GUCY1B1: variants seen among roughly 807,000 people sequenced by gnomAD.
GUCY1B1 encodes the protein guanylate cyclase soluble subunit beta-1.
A neutral mutation model predicts 71.0 loss-of-function variants in GUCY1B1; 43 were observed. The ratio of observed to expected loss-of-function variants is 0.61; its 90% confidence interval spans 0.47 to 0.78. GUCY1B1 has a LOEUF of 0.78. Among genes scored for constraint, GUCY1B1 ranks in the 30% least tolerant of loss-of-function variants. The pLI is 0.00. For synonymous variants in GUCY1B1, 266 were observed against 259.7 expected (o/e 1.02, Z -0.23); for missense variants, 535 against 754.1 (o/e 0.71, Z 3.40).
intron 4 of GUCY1B1, among the ~76,000 whole-genome samples, chr4:155,782,109 T>C (rs1738467922): frequency 6.6e-6 from 1 of 152,150 alleles, no homozygotes; most frequent in Non-Finnish European, 1.5e-5. Flanking sequence ...GGAGTCTTGC[T>C]CTGTCGCCCA....
chr4:155,792,900 A>G lies in GUCY1B1; in HGVS notation c.496-956A>G, dbSNP rs147423355. ...TTATAGATATTAGCTCACAATTACG[A>G]TTACTTCTTTAGAATGAATTCCTAG... On this transcript the variant is annotated intron_variant, in intron 5 of 13. Coordinates refer to ENST00000264424, the MANE Select transcript of GUCY1B1 (RefSeq NM_000857.5). Among the ~76,000 whole-genome samples the G allele has an allele frequency of 8.9e-4, 135 of 152,246 alleles. 1 individual carries two copies. The highest frequency in any genetic ancestry group is 3.3e-3 in the South Asian group (16 of 4,826).
At chr4:155,795,952 C>T (rs1185896923) in intron 7 of GUCY1B1, among the ~76,000 whole-genome samples, 1 of 152,120 alleles carries the variant, frequency 6.6e-6, no homozygotes, top group African/African-American at 2.4e-5. Context: ...CAGCAAAAGT[C>T]ATTTTCCTAG....
intron 3 of GUCY1B1, among the ~76,000 whole-genome samples, chr4:155,777,110 T>C (rs543970167): frequency 3.3e-5 from 5 of 152,340 alleles, no homozygotes; most frequent in African/African-American, 1.2e-4. Flanking sequence ...TTGCACAATA[T>C]TTTAAATGAT....
intron 7 of GUCY1B1, 133 bp downstream of exon 7, chr4:155,795,590 A>G (rs1739495223): frequency 3.7e-6 from 2 of 534,570 alleles, no homozygotes; most frequent in Middle Eastern, 4.7e-4. Context: ...AGATCTATTT[A>G]AAAGGCAATA....
intron 2 of GUCY1B1, chr4:155,772,479 A>G (rs953355728): frequency 8.4e-5 from 37 of 443,000 alleles, no homozygotes; most frequent in Admixed American, 4.9e-4. Context: ...CAGTGGCAAG[A>G]TCACGCCTCA....
At chr4:155,793,826 A>G (rs762763514) in intron 5 of GUCY1B1, 30 bp from the exon 6 acceptor site, 71 of 957,036 alleles carry the variant, frequency 7.4e-5, no homozygotes, top group Non-Finnish European at 9.7e-5. Context: ...AATGAAGACA[A>G]TTCATGCCAT....
chr4:155,796,761 C>T (rs1027307569), intron 8 of GUCY1B1, among the ~76,000 whole-genome samples: 2 of 152,044 alleles, frequency 1.3e-5, no homozygotes, highest in African/African-American at 4.8e-5. Flanking sequence ...TGCCATTACG[C>T]CATGGGACAA....
At position 155,804,605 on chromosome 4, in the gene GUCY1B1, A is replaced by G; in HGVS notation, c.1567A>G (p.Ile523Val). 1.2e-6 allele frequency: 2 copies of G among 1,612,322 alleles called. No individual in the cohort carries two copies. The highest frequency in any genetic ancestry group is 1.7e-6 in the Non-Finnish European group (2 of 1,178,504). ...TTCTTTTTTGCAGATAACAATAGGGATACACACTGGAGAGGTAGTTACAGG... is the reference window on the plus strand; with the variant it reads ...TTCTTTTTTGCAGATAACAATAGGGGTACACACTGGAGAGGTAGTTACAGG... ...DGESVQITIG[I>V]HTGEVVTGVI... The change falls in exon 12 of 14, where the codon ATA (isoleucine) becomes GTA (valine). Residue 523 changes from isoleucine (I) to valine (V), a missense_variant. Ile to Val is a conservative substitution (Grantham distance 29). Transcript: ENST00000264424.
At chr4:155,805,287 T>C in intron 13 of GUCY1B1, 58 bp downstream of exon 13, 1 of 1,353,232 alleles carries the variant, frequency 7.4e-7, no homozygotes, top group Non-Finnish European at 1.0e-6. Context: ...TATGGAAAAC[T>C]AAAGCAAAAT....
In GUCY1B1 at chr4:155,791,741, G is replaced by GAAA. The variant is rs145292390; in HGVS notation, c.495+1831_495+1832insAAA. Reference sequence around the variant, plus strand: ...GTGAGACTCCATTATCAAAAAAATAGAGAAAAAAAAAAAAATAAAGCAAAA... The same window carrying GAAA: ...GTGAGACTCCATTATCAAAAAAATAGAAAAGAAAAAAAAAAAAATAAAGCAAAA... On this transcript the variant is annotated intron_variant, in intron 5 of 13. Transcript: ENST00000264424. Among the ~76,000 whole-genome samples the GAAA allele has an allele frequency of 5.9e-4, 28 of 47,396 alleles. 1 individual carries two copies. The highest frequency in any genetic ancestry group is 1.2e-3 in the Non-Finnish European group (23 of 19,690). 31.1% of individuals were successfully genotyped at this position (47,396 alleles called of 152,430 possible).
In GUCY1B1 at chr4:155,800,027, A is replaced by G. The variant is rs765118875; in HGVS notation, c.1128A>G (p.Leu376=). Residue 376 remains leucine (L), a synonymous_variant, in exon 9 of 14, where the codon CTA becomes CTG. Coordinates refer to ENST00000264424, the MANE Select transcript of GUCY1B1 (RefSeq NM_000857.5). ...AACTGGAAATCCTCACTGACAGGCT[A>G]CAGCTCACGTTAAGAGCCCTGGAAG... is the stretch of plus-strand genomic sequence containing the variant. The part of the protein sequence containing the change: ...TQELEILTDR[L]QLTLRALEDE... 15 of 1,613,782 alleles carry G rather than the reference A, an allele frequency of 9.3e-6. No individual in the cohort carries two copies. In the East Asian group the frequency reaches 1.1e-4, roughly 12 times the overall value.
At position 155,777,523 on chromosome 4, in the gene GUCY1B1, G is replaced by C. The variant is rs765206702; in HGVS notation, c.179-1G>C. 1 of 1,505,666 alleles carries C rather than the reference G, an allele frequency of 6.6e-7. No homozygotes were observed. The highest frequency in any genetic ancestry group is 1.7e-4 in the Middle Eastern group (1 of 5,842). The allele number at this position is 1,505,666 out of a possible 1,614,324, so 93.3% of individuals were successfully genotyped here. On this transcript the variant is annotated splice_acceptor_variant, in intron 3 of 13. Coordinates refer to ENST00000264424, the MANE Select transcript of GUCY1B1 (RefSeq NM_000857.5). LOFTEE classifies it high-confidence loss of function. ...TTTCCCCTCTTGAATTTGTAAAATA[G>C]ATCTCAATGCTGGAGAAATCCTCCA... is the stretch of plus-strand genomic sequence containing the variant.
At chr4:155,768,294 T>C (rs1313750023) in intron 2 of GUCY1B1, among the ~76,000 whole-genome samples, 1 of 152,152 alleles carries the variant, frequency 6.6e-6, no homozygotes, top group Non-Finnish European at 1.5e-5. Flanking sequence ...TGTTCACATA[T>C]TGTAGTTAAG....
At position 155,805,246 on chromosome 4, in the gene GUCY1B1, T is replaced by C; in HGVS notation, c.1836+17T>C. On this transcript the variant is annotated intron_variant, in intron 13 of 13. Coordinates refer to ENST00000264424, the MANE Select transcript of GUCY1B1 (RefSeq NM_000857.5). Reference sequence around the variant, plus strand: ...GGAACAGAGGTATGACTAATCAAAGTGTAATTTGCGTACTTAAGACAGAGT... The same window carrying C: ...GGAACAGAGGTATGACTAATCAAAGCGTAATTTGCGTACTTAAGACAGAGT... The C allele has an allele frequency of 6.3e-7, 1 of 1,599,022 alleles. No individual in the cohort carries two copies.
intron 5 of GUCY1B1, among the ~76,000 whole-genome samples, chr4:155,791,933 T>G (rs1739213042): frequency 6.6e-6 from 1 of 152,116 alleles, no homozygotes; most frequent in Admixed American, 6.5e-5. Context: ...CTACTATTAC[T>G]GTGGTATTAG....
intron 4 of GUCY1B1, chr4:155,785,196 A>G (rs1738680590): frequency 1.6e-6 from 1 of 644,254 alleles, no homozygotes; most frequent in Admixed American, 2.9e-5. Flanking sequence ...AGGTATCTCA[A>G]GATATCAAAA....
intron 10 of GUCY1B1, among the ~76,000 whole-genome samples, chr4:155,803,200 C>G (rs1740079367): frequency 6.6e-6 from 1 of 152,204 alleles, no homozygotes; most frequent in Admixed American, 6.5e-5. Context: ...GAGGTACACT[C>G]TAGCATGTGG....
At chr4:155,799,813 A>G in intron 8 of GUCY1B1, 64 bp from the exon 9 acceptor site, 1 of 857,644 alleles carries the variant, frequency 1.2e-6, no homozygotes, top group Non-Finnish European at 1.8e-6. Context: ...CTTGACAGAA[A>G]TCGGGATTGC....
chr4:155,773,138 C>A (rs1019875917), intron 2 of GUCY1B1, among the ~76,000 whole-genome samples: 1 of 152,178 alleles, frequency 6.6e-6, no homozygotes, highest in African/African-American at 2.4e-5. Flanking sequence ...TACAGGGATT[C>A]CGATGAATTG....
Sources: allele counts gnomAD v4.1 joint callset (sites outside exome capture counted in the v4.1 genomes callset), GRCh38; gene constraint gnomAD v4.1.1; transcripts MANE v1.5; gene names NCBI Gene and HGNC (gene_info 2026-07-23, HGNC 2026-07-21).